The following UBIAD1 variants were observed in gnomAD, a reference collection of about 807,000 sequenced individuals.
UBIAD1 encodes the protein UbiA prenyltransferase domain containing 1, also known as ubiA prenyltransferase domain-containing protein 1.
A neutral mutation model predicts 20.1 loss-of-function variants in UBIAD1; 12 were observed. The ratio of observed to expected loss-of-function variants is 0.60; its 90% confidence interval spans 0.38 to 0.97. The LOEUF is 0.97. Ranked by LOEUF, UBIAD1 falls within the 50% of genes least tolerant of loss-of-function variation. The probability of loss-of-function intolerance (pLI) is 0.00; values close to 1 mark genes in which losing one functional copy is unlikely to be tolerated. For missense variants in UBIAD1, 333 were observed against 419.5 expected (o/e 0.79, Z 1.80); for synonymous variants, 207 against 189.2 (o/e 1.09, Z -0.77).
chr1:11,296,476 T>C (rs2101030392), downstream of UBIAD1, among the ~76,000 whole-genome samples: 1 of 152,324 alleles, frequency 6.6e-6, no homozygotes, highest in East Asian at 1.9e-4. Context: ...GTACTTAGCA[T>C]GTGCCTGGTG....
At chr1:11,279,278 A>C in intron 1 of UBIAD1, 1 of 224,118 alleles carries the variant, frequency 4.5e-6, no homozygotes, top group Non-Finnish European at 9.7e-6. Context: ...ATTGCCTATC[A>C]ATAGCTGCAT....
Position 11,286,349 on chromosome 1 carries a change from CAGA to C in UBIAD1, c.*221_*223del, listed in dbSNP as rs886045069. On this transcript the variant is annotated 3_prime_UTR_variant, in exon 2 of 2. Transcript: ENST00000376810. Reference sequence around the variant, plus strand: ...GGGAATTTAAAAACCATTCTTGTATCAGAAGGTGAATTAGGCGCATGGTCTTTG... The same window carrying C: ...GGGAATTTAAAAACCATTCTTGTATCAGGTGAATTAGGCGCATGGTCTTTG... 3.2e-6 allele frequency: 2 copies of C among 632,016 alleles called. No homozygotes were observed. The highest frequency in any genetic ancestry group is 5.4e-6 in the Non-Finnish European group (2 of 373,366). The allele number at this position is 632,016 out of a possible 1,614,324, so 39.2% of individuals were successfully genotyped here.
At chr1:11,275,267 T>C (rs903563863) in intron 1 of UBIAD1, among the ~76,000 whole-genome samples, 2 of 152,228 alleles carry the variant, frequency 1.3e-5, no homozygotes, top group Non-Finnish European at 2.9e-5. Context: ...GTGACAGGAC[T>C]AAGTCGGATG....
chr1:11,275,272 C>T (rs1651975290), intron 1 of UBIAD1, among the ~76,000 whole-genome samples: 1 of 152,138 alleles, frequency 6.6e-6, no homozygotes, highest in South Asian at 2.1e-4. Flanking sequence ...AGGACTAAGT[C>T]GGATGTGCGA....
At chr1:11,294,468 C>G (rs959441362) in intron 1 of UBIAD1, among the ~76,000 whole-genome samples, 9 of 152,198 alleles carry the variant, frequency 5.9e-5, no homozygotes, top group African/African-American at 2.2e-4. Flanking sequence ...TGCCCCTCAT[C>G]TCTCTTGCCC....
Position 11,285,771 on chromosome 1 carries a change from C to T in UBIAD1, c.657C>T (p.Ile219=), listed in dbSNP as rs777466785. Residue 219 remains isoleucine (I), a synonymous_variant, in exon 2 of 2, where the codon ATC becomes ATT. Coordinates refer to ENST00000376810, the MANE Select transcript of UBIAD1 (RefSeq NM_013319.3). The surrounding 1 kb of genome is among the most constrained non-coding windows in gnomAD (Gnocchi z 4.4). The stretch of plus-strand genomic sequence containing the variant: ...CCATCTTCCCACTGGTCTATGCCAT[C>T]CCCCTCGCCCTCAGCACCGAGGCCA... ...SLAIFPLVYA[I]PLALSTEAIL... The T allele has an allele frequency of 3.7e-6, 6 of 1,614,188 alleles. No homozygotes were observed. Among genetic ancestry groups the T allele is most frequent in the Non-Finnish European group, 2.5e-6 (3 of 1,180,034 alleles).
chr1:11,277,765 C>T (rs1350995558), intron 1 of UBIAD1, among the ~76,000 whole-genome samples: 2 of 152,190 alleles, frequency 1.3e-5, no homozygotes, highest in African/African-American at 4.8e-5. Context: ...CTGCCTCCGC[C>T]TCCCAAGTAG....
At chr1:11,275,694 G>A (rs913807349) in intron 1 of UBIAD1, among the ~76,000 whole-genome samples, 1 of 152,122 alleles carries the variant, frequency 6.6e-6, no homozygotes, top group Non-Finnish European at 1.5e-5. Context: ...AGTGAGTCCT[G>A]ATCACACCAC....
intron 1 of UBIAD1, among the ~76,000 whole-genome samples, chr1:11,277,954 T>C (rs768142154): frequency 5.3e-5 from 8 of 151,922 alleles, no homozygotes; most frequent in Non-Finnish European, 1.2e-4. Flanking sequence ...TCTGTTTTCT[T>C]TTTCCTTTCC....
intron 1 of UBIAD1, among the ~76,000 whole-genome samples, chr1:11,282,207 C>T (rs1362733663): frequency 6.6e-6 from 1 of 152,208 alleles, no homozygotes; most frequent in Non-Finnish European, 1.5e-5. Flanking sequence ...CTCCCCCCAG[C>T]AAGTGTTCCA....
intron 1 of UBIAD1, among the ~76,000 whole-genome samples, chr1:11,277,910 C>G (rs772564896): frequency 5.3e-5 from 8 of 152,158 alleles, no homozygotes; most frequent in Non-Finnish European, 7.4e-5. Context: ...TCCCAAAGTG[C>G]TGGCATTAAA....
At chr1:11,296,242 C>A (rs1047176164), downstream of UBIAD1, among the ~76,000 whole-genome samples, 30 of 152,290 alleles carry the variant, frequency 2.0e-4, no homozygotes, top group Admixed American at 2.0e-3. Context: ...AACAGGCACA[C>A]CTTATATCAC....
chr1:11,277,472 A>T (rs1652085263), intron 1 of UBIAD1, among the ~76,000 whole-genome samples: 1 of 151,878 alleles, frequency 6.6e-6, no homozygotes, highest in African/African-American at 2.4e-5. Context: ...GGGTTTCGCC[A>T]TGTTGGCCAG....
Position 11,275,701 on chromosome 1 carries a change from C to T in UBIAD1, c.529+1641C>T, listed in dbSNP as rs574380950. Among the ~76,000 whole-genome samples, 16 of 152,208 alleles carry T rather than the reference C, an allele frequency of 1.1e-4. 1 individual carries two copies. The South Asian group carries it at 3.3e-3, about 32-fold the overall frequency. ...AAGGCTGCAGTGAGTCCTGATCACA[C>T]CACTGCACTCCAGCCTGGGCGACAG... On this transcript the variant is annotated intron_variant, in intron 1 of 1. Coordinates refer to ENST00000376810, the MANE Select transcript of UBIAD1 (RefSeq NM_013319.3).
At chr1:11,290,805 C>T (rs1017892392), downstream of UBIAD1, among the ~76,000 whole-genome samples, 1 of 152,014 alleles carries the variant, frequency 6.6e-6, no homozygotes, top group Admixed American at 6.6e-5. Context: ...ATGGTGAAAC[C>T]CTGTCTTTAC....
intron 1 of UBIAD1, among the ~76,000 whole-genome samples, chr1:11,277,463 G>C (rs1652082276): frequency 6.6e-6 from 1 of 151,860 alleles, no homozygotes; most frequent in South Asian, 2.1e-4. Flanking sequence ...GTAGAGACGG[G>C]GTTTCGCCAT....
chr1:11,290,888 A>T (rs1260819197), downstream of UBIAD1, among the ~76,000 whole-genome samples: 1 of 144,190 alleles, frequency 6.9e-6, no homozygotes, highest in Non-Finnish European at 1.5e-5. Context: ...TCTTGAACCC[A>T]GGAAGCGGAG....
chr1:11,289,574 AT>A (rs1283025341), downstream of UBIAD1, among the ~76,000 whole-genome samples: 1 of 151,316 alleles, frequency 6.6e-6, no homozygotes, highest in Admixed American at 6.6e-5. Flanking sequence ...TTTATTTATT[AT>A]TTTTTTTGAG....
Position 11,288,307 on chromosome 1 carries a change from A to G in UBIAD1, c.*2176A>G, listed in dbSNP as rs1465940344. On this transcript the variant is annotated 3_prime_UTR_variant, in exon 2 of 2. Coordinates refer to ENST00000376810, the MANE Select transcript of UBIAD1 (RefSeq NM_013319.3). ...TTTTAATGCATATTTTTATATATAA[A>G]TGTTCCCAAAGGCCAAATTTGTTGC... 1.3e-5 allele frequency: 2 copies of G among 152,166 alleles called. No individual in the cohort carries two copies. The highest frequency in any genetic ancestry group is 2.9e-5 in the Non-Finnish European group (2 of 68,032). The allele number at this position is 152,166 out of a possible 1,614,324, so 9.4% of individuals were successfully genotyped here.
Sources: gnomAD v4.1 joint callset for allele counts (sites outside exome capture counted in the v4.1 genomes callset) on GRCh38, gnomAD v4.1.1 for gene constraint, Gnocchi (gnomAD v3.1) non-coding constraint, MANE v1.5 for transcripts, NCBI Gene and HGNC (gene_info 2026-07-23, HGNC 2026-07-21) for gene names.